The following TMPRSS11F variants were observed in gnomAD, a reference collection of about 807,000 sequenced individuals.
TMPRSS11F encodes transmembrane serine protease 11F, also known as transmembrane protease serine 11F.
TMPRSS11F carries 47 observed loss-of-function variants against 60.2 expected under a neutral mutation model. The observed-to-expected ratio is 0.78, with a 90% CI of 0.62 to 1.00. The LOEUF (loss-of-function observed/expected upper bound fraction) is 1.00. Among genes scored for constraint, TMPRSS11F ranks in the 50% least tolerant of loss-of-function variants. The pLI, the probability that TMPRSS11F is intolerant of heterozygous loss-of-function variation, is 0.00. For missense variants in TMPRSS11F, 519 were observed against 522.9 expected (o/e 0.99, Z 0.07); for synonymous variants, 166 against 167.3 (o/e 0.99, Z 0.06).
intron 1 of TMPRSS11F, among the ~76,000 whole-genome samples, chr4:68,127,745 A>C (rs953510370): frequency 6.6e-6 from 1 of 152,138 alleles, no homozygotes; most frequent in Non-Finnish European, 1.5e-5. Context: ...TCTGAATCTG[A>C]ATCATATATC....
At chr4:68,112,935 A>G (rs970617948) in intron 1 of TMPRSS11F, among the ~76,000 whole-genome samples, 2 of 152,202 alleles carry the variant, frequency 1.3e-5, no homozygotes, top group African/African-American at 2.4e-5. Flanking sequence ...TTCCCTCTAC[A>G]AAATTTGCTC....
At chr4:68,070,124 A>G (rs1723421703) in intron 5 of TMPRSS11F, 117 bp from the exon 6 acceptor site, 1 of 725,844 alleles carries the variant, frequency 1.4e-6, no homozygotes, top group Non-Finnish European at 2.1e-6. Flanking sequence ...ATATTTCAAG[A>G]GAATATGAGA....
At chr4:68,123,518 A>T (rs908475847) in intron 1 of TMPRSS11F, among the ~76,000 whole-genome samples, 3 of 152,226 alleles carry the variant, frequency 2.0e-5, no homozygotes, top group African/African-American at 7.2e-5. Flanking sequence ...AAGTGATATG[A>T]TATACAAGCT....
chr4:68,097,029 C>T lies in TMPRSS11F; in HGVS notation c.163+1858G>A, dbSNP rs1284338322. 4.6e-5 allele frequency among the ~76,000 whole-genome samples: 7 copies of T among 152,244 alleles called. No individual in the cohort carries two copies. In the East Asian group the frequency reaches 1.3e-3, roughly 29 times the overall value. On this transcript the variant is annotated intron_variant, in intron 2 of 9. Coordinates refer to ENST00000356291, the MANE Select transcript of TMPRSS11F (RefSeq NM_207407.2). ...TTATATACCTCTATTTTATCCCATT[C>T]TACTTGTTTAACTTTTGTCATGGTC...
intron 1 of TMPRSS11F, among the ~76,000 whole-genome samples, chr4:68,119,519 G>A (rs1342232238): frequency 1.3e-5 from 2 of 152,124 alleles, no homozygotes; most frequent in African/African-American, 2.4e-5. Context: ...GGTTGAAGCC[G>A]ATGCTCCTTT....
At chr4:68,055,571 T>C (rs184222152) in intron 9 of TMPRSS11F, among the ~76,000 whole-genome samples, 1 of 152,200 alleles carries the variant, frequency 6.6e-6, no homozygotes, top group Admixed American at 6.5e-5. Context: ...GAATACTGAA[T>C]CAGTAATTAA....
chr4:68,059,308 C>T lies in TMPRSS11F; in HGVS notation c.1158+18G>A. ...GGAAACTTTCCTCATAAACTTTTGG[C>T]CTTGACTTTAAACTTACCTTACATG... On this transcript the variant is annotated intron_variant, in intron 9 of 9. Coordinates refer to ENST00000356291, the MANE Select transcript of TMPRSS11F (RefSeq NM_207407.2). The T allele has an allele frequency of 1.2e-6, 2 of 1,608,756 alleles. No homozygotes were observed. The highest frequency in any genetic ancestry group is 2.2e-5 in the East Asian group (1 of 44,778).
intron 1 of TMPRSS11F, among the ~76,000 whole-genome samples, chr4:68,119,398 A>G (rs1724581600): frequency 6.6e-6 from 1 of 152,210 alleles, no homozygotes; most frequent in Admixed American, 6.5e-5. Context: ...GGTAAACTAA[A>G]TAACAGATTT....
intron 7 of TMPRSS11F, 126 bp from the exon 8 acceptor site, chr4:68,065,070 A>G: frequency 1.1e-6 from 1 of 921,382 alleles, no homozygotes; most frequent in Non-Finnish European, 1.6e-6. Flanking sequence ...GAAAGTTTGT[A>G]GTTGATAACA....
At chr4:68,083,189 A>T (rs1723741763) in intron 3 of TMPRSS11F, among the ~76,000 whole-genome samples, 1 of 152,206 alleles carries the variant, frequency 6.6e-6, no homozygotes, top group African/African-American at 2.4e-5. Context: ...CTCTGACTCC[A>T]TTAAGCTTCC....
chr4:68,109,388 G>C (rs1325270651), intron 1 of TMPRSS11F, among the ~76,000 whole-genome samples: 1 of 152,010 alleles, frequency 6.6e-6, no homozygotes, highest in Admixed American at 6.6e-5. Flanking sequence ...TGAAAAATTA[G>C]GGTCATGCTG....
intron 7 of TMPRSS11F, 77 bp downstream of exon 7, chr4:68,068,540 TG>T: frequency 7.9e-7 from 1 of 1,260,814 alleles, no homozygotes; most frequent in Non-Finnish European, 1.2e-6. Flanking sequence ...CTGGAGAGAC[TG>T]GACTCTTCTG....
chr4:68,086,593 T>C (rs1560401470), intron 3 of TMPRSS11F, among the ~76,000 whole-genome samples: 1 of 151,840 alleles, frequency 6.6e-6, no homozygotes. Context: ...AAATTTTTGG[T>C]TTATTGAAAG....
At chr4:68,110,355 G>C (rs1177832186) in intron 1 of TMPRSS11F, among the ~76,000 whole-genome samples, 1 of 152,164 alleles carries the variant, frequency 6.6e-6, no homozygotes, top group Non-Finnish European at 1.5e-5. Context: ...AAAATCCACA[G>C]ACTCAGACCT....
chr4:68,105,049 G>GTTTTTTTTTTTTTTTTTT (rs34041075), intron 1 of TMPRSS11F, among the ~76,000 whole-genome samples: 1 of 55,168 alleles, frequency 1.8e-5, no homozygotes, highest in Non-Finnish European at 3.1e-5. Flanking sequence ...TTCCCTCTAG[G>GTTTTTTTTTTTTTTTTTT]TTTTTTTTTT....
chr4:68,068,413 G>A (rs184962041), intron 7 of TMPRSS11F, among the ~76,000 whole-genome samples: 10 of 152,256 alleles, frequency 6.6e-5, no homozygotes, highest in Non-Finnish European at 1.0e-4. Flanking sequence ...CATGATGATA[G>A]AGGAAAATCT....
chr4:68,068,868 A>T lies in TMPRSS11F; in HGVS notation c.554-49T>A. ...TCATATTCATAAAAAGGAGGAAAAA[A>T]GTATATTCTGATTTGCTTTGGTTAT... is the stretch of plus-strand genomic sequence containing the variant. On this transcript the variant is annotated intron_variant, in intron 6 of 9. Coordinates refer to ENST00000356291, the MANE Select transcript of TMPRSS11F (RefSeq NM_207407.2). 1.9e-6 allele frequency: 3 copies of T among 1,588,646 alleles called. No homozygotes were observed. The East Asian group carries it at 6.7e-5, about 36-fold the overall frequency.
intron 1 of TMPRSS11F, among the ~76,000 whole-genome samples, chr4:68,116,847 T>G (rs1032373859): frequency 2.0e-5 from 3 of 152,060 alleles, no homozygotes; most frequent in Non-Finnish European, 4.4e-5. Flanking sequence ...CAACTTGAAA[T>G]GGATTGAAAA....
chr4:68,123,452 T>C (rs1724660191), intron 1 of TMPRSS11F, among the ~76,000 whole-genome samples: 2 of 152,214 alleles, frequency 1.3e-5, no homozygotes, highest in Admixed American at 1.3e-4. Flanking sequence ...CAACCATTTT[T>C]ACCTGATAAT....
Sources: allele counts gnomAD v4.1 joint callset (sites outside exome capture counted in the v4.1 genomes callset), GRCh38; gene constraint gnomAD v4.1.1; transcripts MANE v1.5; gene names NCBI Gene and HGNC (gene_info 2026-07-23, HGNC 2026-07-21).